Variants in AKT3 observed in about 807,000 individuals in gnomAD.
AKT3 encodes RAC-gamma serine/threonine-protein kinase.
In AKT3, 15 loss-of-function variants were observed where a neutral mutation model predicts 65.3. That is an observed-to-expected ratio of 0.23 (90% CI 0.15 to 0.35). AKT3 has a LOEUF of 0.35. Ranked by LOEUF, AKT3 falls within the 10% of genes least tolerant of loss-of-function variation. The probability of loss-of-function intolerance (pLI) is 1.00; values close to 1 mark genes in which losing one functional copy is unlikely to be tolerated. For missense variants in AKT3, 243 were observed against 576.5 expected, an observed-to-expected ratio of 0.42 and a Z score of 5.92; for synonymous variants, 206 against 183.8, an observed-to-expected ratio of 1.12 and a Z score of -0.98.
At chr1:243,833,419 C>T (rs553116580) in intron 2 of AKT3, among the ~76,000 whole-genome samples, 6 of 151,250 alleles carry the variant, frequency 4.0e-5, no homozygotes, top group South Asian at 2.1e-4. Context: ...GCAGGAAGGC[C>T]GAGTTAAAGG....
At chr1:243,823,522 C>T (rs771169481) in intron 2 of AKT3, among the ~76,000 whole-genome samples, 2 of 152,126 alleles carry the variant, frequency 1.3e-5, no homozygotes, top group Non-Finnish European at 2.9e-5. Context: ...TGGAAAATCC[C>T]ATCATCTCAG....
intron 2 of AKT3, among the ~76,000 whole-genome samples, chr1:243,730,248 G>T (rs1246290750): frequency 6.6e-6 from 1 of 152,162 alleles, no homozygotes; most frequent in Non-Finnish European, 1.5e-5. Flanking sequence ...GCTTCAGCTG[G>T]ACTCAAGGTA....
chr1:243,596,794 T>C (rs1676647847), intron 8 of AKT3, among the ~76,000 whole-genome samples: 1 of 152,332 alleles, frequency 6.6e-6, no homozygotes, highest in Middle Eastern at 3.4e-3. Flanking sequence ...TTAATCCGCA[T>C]GTACGTCACC....
chr1:243,588,149 A>G (rs889454174), intron 8 of AKT3, among the ~76,000 whole-genome samples: 1 of 152,222 alleles, frequency 6.6e-6, no homozygotes, highest in African/African-American at 2.4e-5. Context: ...ATGATGAGGT[A>G]GATGGCATTT....
intron 12 of AKT3, among the ~76,000 whole-genome samples, chr1:243,530,828 G>A (rs113746752): frequency 6.6e-6 from 1 of 151,872 alleles, no homozygotes; most frequent in Non-Finnish European, 1.5e-5. Flanking sequence ...ATGACAAAGG[G>A]GTCATTACTA....
At chr1:243,544,503 A>G (rs962901010) in intron 12 of AKT3, among the ~76,000 whole-genome samples, 1 of 151,986 alleles carries the variant, frequency 6.6e-6, no homozygotes, top group Non-Finnish European at 1.5e-5. Context: ...CTGCAGTCCG[A>G]GCTACTTGGT....
At chr1:243,709,350 A>T (rs1391301884) in intron 2 of AKT3, among the ~76,000 whole-genome samples, 1 of 151,712 alleles carries the variant, frequency 6.6e-6, no homozygotes, top group African/African-American at 2.4e-5. Context: ...GGTAAACAGC[A>T]AATTTACTTT....
intron 2 of AKT3, among the ~76,000 whole-genome samples, chr1:243,794,632 A>G (rs1558816900): frequency 6.6e-6 from 1 of 152,208 alleles, no homozygotes; most frequent in Non-Finnish European, 1.5e-5. Context: ...TGGCTCAGAC[A>G]CAAGAAGAAG....
chr1:243,590,072 T>C, intron 8 of AKT3, among the ~76,000 whole-genome samples: 1 of 152,146 alleles, frequency 6.6e-6, no homozygotes, highest in Non-Finnish European at 1.5e-5. Context: ...AGAATGATGG[T>C]TGCCAGGAGC....
chr1:243,682,361 C>A (rs1212843538), intron 3 of AKT3, among the ~76,000 whole-genome samples: 2 of 152,032 alleles, frequency 1.3e-5, no homozygotes, highest in African/African-American at 4.8e-5. Context: ...TTCCAAGCTA[C>A]AGTTTATAAC....
chr1:243,563,481 A>C (rs1673935475), intron 10 of AKT3, among the ~76,000 whole-genome samples: 1 of 152,192 alleles, frequency 6.6e-6, no homozygotes, highest in African/African-American at 2.4e-5. Flanking sequence ...CAAGAAATAA[A>C]AATTGATTTA....
chr1:243,635,044 G>A (rs150085267), intron 6 of AKT3, among the ~76,000 whole-genome samples: 4 of 152,010 alleles, frequency 2.6e-5, no homozygotes, highest in African/African-American at 4.8e-5. Flanking sequence ...CATAGGGGAC[G>A]TTCTCCAGGA....
chr1:243,659,571 A>AG (rs770814300), intron 4 of AKT3, among the ~76,000 whole-genome samples: 2 of 152,176 alleles, frequency 1.3e-5, no homozygotes, highest in African/African-American at 2.4e-5. Context: ...GAAAGGTCAA[A>AG]GGGGAAAAAA....
chr1:243,493,941 G>A (rs1243329457), intron 13 of AKT3, among the ~76,000 whole-genome samples: 1 of 151,900 alleles, frequency 6.6e-6, no homozygotes, highest in Non-Finnish European at 1.5e-5. Context: ...ACTCCCTGCC[G>A]AGGGAGGCCT....
intron 2 of AKT3, among the ~76,000 whole-genome samples, chr1:243,842,593 C>T (rs1429792812): frequency 6.6e-6 from 1 of 152,108 alleles, no homozygotes; most frequent in African/African-American, 2.4e-5. Flanking sequence ...CATAAACATA[C>T]ACACACAAAA....
chr1:243,583,472 C>T (rs1675556256), intron 8 of AKT3, among the ~76,000 whole-genome samples: 1 of 146,896 alleles, frequency 6.8e-6, no homozygotes, highest in African/African-American at 2.5e-5. Flanking sequence ...ACAGAACATA[C>T]ATTCTTCTCA....
At chr1:243,836,538 A>G (rs1409633931) in intron 2 of AKT3, among the ~76,000 whole-genome samples, 1 of 152,086 alleles carries the variant, frequency 6.6e-6, no homozygotes, top group African/African-American at 2.4e-5. Context: ...TTGACTAGAT[A>G]TTTATAACAC....
chr1:243,661,453 G>A (rs1682323003), intron 4 of AKT3, among the ~76,000 whole-genome samples: 1 of 151,700 alleles, frequency 6.6e-6, no homozygotes, highest in Admixed American at 6.6e-5. Context: ...AAGCAATGGG[G>A]AAAGGATTCC....
At position 243,760,896 on chromosome 1, in the gene AKT3, GTTAA is replaced by G. The variant is rs568437054; in HGVS notation, c.47-65184_47-65181del. ...TAGTGTTCATGGCCATGAGTTCAAT[GTTAA>G]TTAATAAATAATATTAAATAAGATG... On this transcript the variant is annotated intron_variant, in intron 2 of 13. Coordinates refer to ENST00000673466, the MANE Select transcript of AKT3 (RefSeq NM_005465.7). Among the ~76,000 whole-genome samples the G allele has an allele frequency of 5.5e-4, 83 of 152,220 alleles. 1 individual carries two copies. The highest frequency in any genetic ancestry group is 2.0e-3 in the African/African-American group (82 of 41,512).
Sources: allele counts gnomAD v4.1 joint callset (sites outside exome capture counted in the v4.1 genomes callset), GRCh38; gene constraint gnomAD v4.1.1; transcripts MANE v1.5; gene names NCBI Gene and HGNC (gene_info 2026-07-23, HGNC 2026-07-21).